GLIS3: variants seen among roughly 807,000 people sequenced by gnomAD.
GLIS3 encodes GLIS family zinc finger 3.
GLIS3 carries 53 observed loss-of-function variants against 78.6 expected under a neutral mutation model. That is an observed-to-expected ratio of 0.67 (90% CI 0.54 to 0.85). The LOEUF (loss-of-function observed/expected upper bound fraction) is 0.85, where lower values mean the gene tolerates loss of function less well. Ranked by LOEUF, GLIS3 falls within the 40% of genes least tolerant of loss-of-function variation. GLIS3 has a pLI of 0.00. For missense variants in GLIS3, 1,703 were observed against 1,231.1 expected (o/e 1.38, Z -5.74); for synonymous variants, 684 against 509.9 (o/e 1.34, Z -4.60).
chr9:4,192,903 T>C (rs2038544), intron 2 of GLIS3, among the ~76,000 whole-genome samples: 44,791 of 151,720 alleles, frequency 0.3, 7,180 homozygotes, highest in South Asian at 0.49. Flanking sequence ...GGTCAAGGCC[T>C]CAAAAAGAAG....
At chr9:4,464,772 T>G in the GLIS3 span, among the ~76,000 whole-genome samples, 4 of 151,888 alleles carry the variant, frequency 2.6e-5, 1 homozygote, top group Admixed American at 2.6e-4. Flanking sequence ...ATAATATAAG[T>G]GGTATATAGA....
chr9:3,933,974 G>T (rs930038320), intron 5 of GLIS3, among the ~76,000 whole-genome samples: 1 of 152,174 alleles, frequency 6.6e-6, no homozygotes, highest in Admixed American at 6.6e-5. Flanking sequence ...TGTTTGACTG[G>T]TTGGTTGAAT....
intron 2 of GLIS3, among the ~76,000 whole-genome samples, chr9:4,265,286 C>T (rs1459281255): frequency 6.6e-6 from 1 of 151,886 alleles, no homozygotes; most frequent in Non-Finnish European, 1.5e-5. Context: ...TAATGCGCTA[C>T]TTAACATAGT....
intron 5 of GLIS3, among the ~76,000 whole-genome samples, chr9:3,935,540 C>T (rs1378589338): frequency 2.0e-5 from 3 of 152,088 alleles, no homozygotes; most frequent in East Asian, 3.8e-4. Flanking sequence ...TAACACTTAG[C>T]CTCGCAACAG....
In GLIS3 at chr9:4,088,739, T is replaced by C. The variant is rs1829249186; in HGVS notation, c.1710+29029A>G. On this transcript the variant is annotated intron_variant, in intron 4 of 10. Coordinates refer to ENST00000381971, the MANE Select transcript of GLIS3 (RefSeq NM_001042413.2). ...CTACAGTTTAGCGTGGCATTCCTTGTAAATTTTAGTGCCTTTTACTATGAC... is the reference window on the plus strand; with the variant it reads ...CTACAGTTTAGCGTGGCATTCCTTGCAAATTTTAGTGCCTTTTACTATGAC... Among the ~76,000 whole-genome samples the C allele has an allele frequency of 3.3e-5, 5 of 152,366 alleles. 1 individual carries two copies. The South Asian group carries it at 1.0e-3, about 32-fold the overall frequency.
intron 2 of GLIS3, among the ~76,000 whole-genome samples, chr9:4,206,661 G>C (rs1002718533): frequency 1.3e-5 from 2 of 152,184 alleles, no homozygotes; most frequent in African/African-American, 2.4e-5. Context: ...TAAATTCTCA[G>C]GTCTAATAAG....
chr9:4,053,703 C>CACAAAAAAAAAAAAAAA (rs1401904227), intron 4 of GLIS3, among the ~76,000 whole-genome samples: 6 of 26,638 alleles, frequency 2.3e-4, no homozygotes, highest in African/African-American at 3.5e-4. Context: ...TTTCTTTCTT[C>CACAAAAAAAAAAAAAAA]ATAAAAAAAA....
intron 4 of GLIS3, among the ~76,000 whole-genome samples, chr9:3,947,503 T>C (rs1816382248): frequency 6.6e-6 from 1 of 152,170 alleles, no homozygotes; most frequent in Admixed American, 6.5e-5. Flanking sequence ...GGGCACACAC[T>C]TTAACACTTG....
chr9:4,045,603 C>T (rs1825184025), intron 4 of GLIS3, among the ~76,000 whole-genome samples: 1 of 151,928 alleles, frequency 6.6e-6, no homozygotes, highest in Admixed American at 6.6e-5. Context: ...TCCCAAAGTG[C>T]TGACATTACA....
At chr9:4,145,739 C>T (rs12352827) in intron 2 of GLIS3, among the ~76,000 whole-genome samples, 3,853 of 151,952 alleles carry the variant, frequency 0.025, 178 homozygotes, top group African/African-American at 0.089. Flanking sequence ...TCCCTCCTCC[C>T]TTTGTTCCCC....
At chr9:4,360,342 C>T in the GLIS3 span, among the ~76,000 whole-genome samples, 3 of 152,188 alleles carry the variant, frequency 2.0e-5, no homozygotes, top group Admixed American at 2.0e-4. Context: ...TGATCCATCT[C>T]AGAGACTGAA....
chr9:4,158,719 T>C (rs1347742010), intron 2 of GLIS3, among the ~76,000 whole-genome samples: 1 of 152,206 alleles, frequency 6.6e-6, no homozygotes, highest in East Asian at 1.9e-4. Context: ...ACAAGTAACA[T>C]TCCCCCATTT....
chr9:4,030,724 T>A (rs189594064), intron 4 of GLIS3, among the ~76,000 whole-genome samples: 1 of 152,312 alleles, frequency 6.6e-6, no homozygotes, highest in Admixed American at 6.5e-5. Context: ...ACCCCATCCC[T>A]CTTGATGGCA....
At chr9:4,417,506 C>T in the GLIS3 span, among the ~76,000 whole-genome samples, 2 of 152,164 alleles carry the variant, frequency 1.3e-5, no homozygotes, top group Admixed American at 6.5e-5. Context: ...CCAACACTGA[C>T]ATAACCATTT....
intron 4 of GLIS3, among the ~76,000 whole-genome samples, chr9:4,085,716 G>T (rs1050825308): frequency 6.6e-6 from 1 of 152,170 alleles, no homozygotes; most frequent in Non-Finnish European, 1.5e-5. Context: ...CCTCGGTGCT[G>T]TCCTCGCAAT....
At chr9:4,217,548 T>C (rs963290337) in intron 2 of GLIS3, among the ~76,000 whole-genome samples, 3 of 152,148 alleles carry the variant, frequency 2.0e-5, no homozygotes, top group Non-Finnish European at 4.4e-5. Flanking sequence ...GATCAAGAAA[T>C]GTCACTGTGT....
upstream of GLIS3, among the ~76,000 whole-genome samples, chr9:4,351,494 C>A (rs1188316028): frequency 6.6e-6 from 1 of 151,510 alleles, no homozygotes; most frequent in Non-Finnish European, 1.5e-5. Flanking sequence ...AGAATATACA[C>A]TGAAAAACAC....
chr9:3,845,790 TTAGA>T (rs1212714593), intron 9 of GLIS3, among the ~76,000 whole-genome samples: 2 of 152,086 alleles, frequency 1.3e-5, no homozygotes, highest in African/African-American at 2.4e-5. Context: ...TTGGGAGCCG[TTAGA>T]TAGAGAGCTC....
intron 2 of GLIS3, among the ~76,000 whole-genome samples, chr9:4,138,395 C>A (rs498571): frequency 6.6e-6 from 1 of 152,016 alleles, no homozygotes; most frequent in African/African-American, 2.4e-5. Flanking sequence ...AAACAATTGG[C>A]AAACACCTAA....
Sources: allele counts gnomAD v4.1 joint callset (sites outside exome capture counted in the v4.1 genomes callset), GRCh38; gene constraint gnomAD v4.1.1; transcripts MANE v1.5; gene names NCBI Gene and HGNC (gene_info 2026-07-23, HGNC 2026-07-21).